The following TAB2 variants were observed in gnomAD, a reference collection of about 807,000 sequenced individuals.
The protein encoded by TAB2 is TGF-beta-activated kinase 1 and MAP3K7-binding protein 2.
A neutral mutation model predicts 65.0 loss-of-function variants in TAB2; 3 were observed. The observed-to-expected ratio is 0.05, with a 90% CI of 0.02 to 0.12. The LOEUF (loss-of-function observed/expected upper bound fraction) is 0.12. TAB2 is among the 10% of genes least tolerant of loss of function. The probability of loss-of-function intolerance (pLI) is 1.00; values close to 1 mark genes in which losing one functional copy is unlikely to be tolerated. For missense variants in TAB2, 623 were observed against 840.3 expected (o/e 0.74, Z 3.20); for synonymous variants, 298 against 285.1 (o/e 1.05, Z -0.46).
At chr6:149,250,750 G>A (rs558369902) in intron 1 of TAB2, among the ~76,000 whole-genome samples, 5 of 152,208 alleles carry the variant, frequency 3.3e-5, no homozygotes, top group South Asian at 2.1e-4. Flanking sequence ...TACCAGGTAC[G>A]TTGAATTGAT....
rs541931086 is a variant in TAB2, at chr6:149,363,410, A to G, written c.-89-6499A>G. Among the ~76,000 whole-genome samples, 8 of 152,332 alleles carry G rather than the reference A, an allele frequency of 5.3e-5. No individual in the cohort carries two copies. The East Asian group carries it at 1.5e-3, about 29-fold the overall frequency. On this transcript the variant is annotated intron_variant, in intron 1 of 6. Coordinates refer to ENST00000637181, the MANE Select transcript of TAB2 (RefSeq NM_001292034.3). ...TCTACAGAGTAGGAATCAAAGGTGT[A>G]GAGGCATGAGGCAGGGAAAGTTTCC...
At chr6:149,403,289 CACACACATATATAT>C (rs1782530170) in intron 6 of TAB2, among the ~76,000 whole-genome samples, 1 of 32,520 alleles carries the variant, frequency 3.1e-5, no homozygotes. Flanking sequence ...TATATACACA[CACACACATATATAT>C]ATATATATAT....
intron 3 of TAB2, among the ~76,000 whole-genome samples, chr6:149,393,820 CAT>C (rs1459390267): frequency 1.1e-4 from 16 of 151,724 alleles, no homozygotes; most frequent in Admixed American, 9.2e-4. Flanking sequence ...ATCTTTATCT[CAT>C]ATGTTTTGCC....
intron 1 of TAB2, among the ~76,000 whole-genome samples, chr6:149,264,293 G>A (rs1778216482): frequency 6.6e-6 from 1 of 152,200 alleles, no homozygotes. Flanking sequence ...GTCCCTGACA[G>A]AGGGATTTAA....
chr6:149,235,516 G>C (rs1184724867), intron 1 of TAB2, among the ~76,000 whole-genome samples: 1 of 152,260 alleles, frequency 6.6e-6, no homozygotes, highest in East Asian at 1.9e-4. Flanking sequence ...GTTTGGTCTT[G>C]AGCACCAAAA....
intron 1 of TAB2, among the ~76,000 whole-genome samples, chr6:149,225,764 G>A (rs1165640848): frequency 6.6e-6 from 1 of 152,120 alleles, no homozygotes; most frequent in African/African-American, 2.4e-5. Flanking sequence ...TCCTGCTGGA[G>A]GCTGTGAATG....
intron 1 of TAB2, among the ~76,000 whole-genome samples, chr6:149,220,536 A>G (rs909950924): frequency 1.3e-5 from 2 of 152,214 alleles, no homozygotes; most frequent in Admixed American, 6.5e-5. Flanking sequence ...ATCTATTAAT[A>G]TCACTACAAA....
At chr6:149,231,278 T>G (rs183825814) in intron 1 of TAB2, among the ~76,000 whole-genome samples, 2 of 152,364 alleles carry the variant, frequency 1.3e-5, no homozygotes, top group East Asian at 3.8e-4. Context: ...AACTACCGCA[T>G]GCCTTGTGAG....
chr6:149,297,459 G>A (rs780271838), intron 1 of TAB2, among the ~76,000 whole-genome samples: 2 of 152,060 alleles, frequency 1.3e-5, no homozygotes, highest in East Asian at 3.9e-4. Flanking sequence ...ATACCCTACT[G>A]CATTGTTTTA....
chr6:149,327,175 T>G (rs907591757), intron 1 of TAB2, among the ~76,000 whole-genome samples: 1 of 152,208 alleles, frequency 6.6e-6, no homozygotes, highest in African/African-American at 2.4e-5. Context: ...ACTTTTCTTT[T>G]ATACTAGCAT....
At chr6:149,300,969 G>T (rs1778959903) in intron 1 of TAB2, among the ~76,000 whole-genome samples, 2 of 152,336 alleles carry the variant, frequency 1.3e-5, no homozygotes, top group Admixed American at 1.3e-4. Flanking sequence ...GCTATATCAG[G>T]TGCTATGCCA....
chr6:149,243,238 T>C (rs1369492414), intron 1 of TAB2: 1 of 152,246 alleles, frequency 6.6e-6, no homozygotes, highest in African/African-American at 2.4e-5. Context: ...TCGATTTAAA[T>C]ATATAGATCT....
intron 1 of TAB2, among the ~76,000 whole-genome samples, chr6:149,270,120 G>A (rs180905601): frequency 6.6e-6 from 1 of 152,282 alleles, no homozygotes; most frequent in Admixed American, 6.5e-5. Context: ...GTTGATTTTT[G>A]TTTATTTTAG....
chr6:149,320,107 C>G (rs1208021157), intron 1 of TAB2, among the ~76,000 whole-genome samples: 1 of 152,066 alleles, frequency 6.6e-6, no homozygotes, highest in Non-Finnish European at 1.5e-5. Context: ...GAGACAGTCT[C>G]GCTCTGTCAC....
At chr6:149,324,397 ATAT>A (rs757487724) in intron 1 of TAB2, among the ~76,000 whole-genome samples, 16 of 152,172 alleles carry the variant, frequency 1.1e-4, no homozygotes, top group African/African-American at 2.9e-4. Flanking sequence ...TCATTAAATA[ATAT>A]TATTAATATT....
rs189414928 is a variant in TAB2, at chr6:149,350,888, T to C, written c.-89-19021T>C. ...TAGTTTGACATATATTAAAACCTTATTAGCATTAGCGTATCTCAAGGTCTT... is the reference window on the plus strand; with the variant it reads ...TAGTTTGACATATATTAAAACCTTACTAGCATTAGCGTATCTCAAGGTCTT... On this transcript the variant is annotated intron_variant, in intron 1 of 6. Coordinates refer to ENST00000637181, the MANE Select transcript of TAB2 (RefSeq NM_001292034.3). Among the ~76,000 whole-genome samples the C allele has an allele frequency of 7.9e-5, 12 of 152,314 alleles. No homozygotes were observed. The East Asian group carries it at 2.3e-3, about 29-fold the overall frequency.
rs969979324 is a variant in TAB2 at position 149,233,326 on chromosome 6, G to A, written c.-121+14550G>A. Among the ~76,000 whole-genome samples the A allele has an allele frequency of 3.3e-5, 5 of 152,050 alleles. No individual in the cohort carries two copies. In the South Asian group the frequency reaches 6.2e-4, roughly 19 times the overall value. On this transcript the variant is annotated intron_variant, in intron 1 of 1. Transcript: ENST00000606202. ...GCCTCCTTGGCTTCTCCACTGAGAC[G>A]CCTCTACTGTAGGCCAAGAAAGTTG...
intron 1 of TAB2, among the ~76,000 whole-genome samples, chr6:149,358,607 T>C (rs1262027992): frequency 6.8e-6 from 1 of 146,028 alleles, no homozygotes; most frequent in East Asian, 2.2e-4. Context: ...TACATCTAGG[T>C]GCAGATTTCT....
intron 1 of TAB2, among the ~76,000 whole-genome samples, chr6:149,275,110 T>C (rs1239228891): frequency 2.9e-5 from 4 of 140,192 alleles, no homozygotes; most frequent in Admixed American, 2.3e-4. Flanking sequence ...TCCCTAATTT[T>C]TTTTCTCTTC....
Sources: allele counts gnomAD v4.1 joint callset (sites outside exome capture counted in the v4.1 genomes callset), GRCh38; gene constraint gnomAD v4.1.1; transcripts MANE v1.5; gene names NCBI Gene and HGNC (gene_info 2026-07-23, HGNC 2026-07-21).